Variants in KAZN observed in about 807,000 individuals in gnomAD.
The protein encoded by KAZN is kazrin, periplakin interacting protein.
Under a neutral mutation model 87.4 loss-of-function variants are expected in KAZN, and 40 were observed. That is an observed-to-expected ratio of 0.46 (90% CI 0.36 to 0.60). The LOEUF is 0.60. KAZN is among the 20% of genes least tolerant of loss of function. The pLI is 0.00. For missense variants in KAZN, 898 were observed against 1,073.9 expected (o/e 0.84, Z 2.29); for synonymous variants, 466 against 458.3 (o/e 1.02, Z -0.22).
chr1:14,498,721 G>GA (rs925765199), intron 2 of KAZN, among the ~76,000 whole-genome samples: 1 of 151,594 alleles, frequency 6.6e-6, no homozygotes, highest in Non-Finnish European at 1.5e-5. Flanking sequence ...AAAGGAAAAA[G>GA]AAAAAAAATG....
At chr1:14,799,828 A>C (rs947864296) in intron 1 of KAZN, among the ~76,000 whole-genome samples, 50 of 152,198 alleles carry the variant, frequency 3.3e-4, no homozygotes, top group African/African-American at 1.0e-3. Flanking sequence ...GAAATCTTAC[A>C]CGATATTTTA....
At chr1:13,956,015 G>A (rs369155246) in intron 1 of KAZN, among the ~76,000 whole-genome samples, 6 of 152,190 alleles carry the variant, frequency 3.9e-5, no homozygotes, top group East Asian at 3.9e-4. Flanking sequence ...CCAGCACCTC[G>A]TAGGACCTGT....
At chr1:14,749,373 C>A (rs1190956557) in intron 1 of KAZN, among the ~76,000 whole-genome samples, 1 of 152,204 alleles carries the variant, frequency 6.6e-6, no homozygotes, top group Non-Finnish European at 1.5e-5. Flanking sequence ...TAAAATTCTG[C>A]ATCAGTTATA....
chr1:13,952,002 C>T (rs1641365700), intron 1 of KAZN, among the ~76,000 whole-genome samples: 1 of 152,130 alleles, frequency 6.6e-6, no homozygotes, highest in Non-Finnish European at 1.5e-5. Flanking sequence ...GGCCTGTTTG[C>T]AGTAAAGAAA....
intron 1 of KAZN, among the ~76,000 whole-genome samples, chr1:14,634,183 T>A (rs1679790925): frequency 6.6e-6 from 1 of 152,162 alleles, no homozygotes. Context: ...TTTATCGTAA[T>A]TCAGCTAGTG....
intron 1 of KAZN, among the ~76,000 whole-genome samples, chr1:14,004,965 G>T (rs1228820143): frequency 6.6e-6 from 1 of 151,392 alleles, no homozygotes. Flanking sequence ...GTGCCACCAT[G>T]GGATGCCACA....
chr1:14,488,348 G>A (rs1204858300), intron 2 of KAZN, among the ~76,000 whole-genome samples: 8 of 152,144 alleles, frequency 5.3e-5, no homozygotes, highest in South Asian at 2.1e-4. Flanking sequence ...ACCTCTCATC[G>A]TCGCTAAGGT....
intron 1 of KAZN, among the ~76,000 whole-genome samples, chr1:14,637,972 C>T (rs1027892163): frequency 3.9e-5 from 6 of 152,038 alleles, no homozygotes; most frequent in Non-Finnish European, 7.4e-5. Context: ...CCTCTCTCCC[C>T]GTCTCTGGCA....
chr1:14,537,700 T>C (rs1672582836), intron 2 of KAZN, among the ~76,000 whole-genome samples: 1 of 152,180 alleles, frequency 6.6e-6, no homozygotes, highest in African/African-American at 2.4e-5. Context: ...GAAAATGCTT[T>C]GGAAAGTTGG....
chr1:14,659,364 C>T (rs1246949933), intron 1 of KAZN, among the ~76,000 whole-genome samples: 1 of 151,880 alleles, frequency 6.6e-6, no homozygotes, highest in African/African-American at 2.4e-5. Flanking sequence ...GAGGAGATGG[C>T]CTTTTAACCT....
intron 2 of KAZN, among the ~76,000 whole-genome samples, chr1:14,327,366 C>A (rs1202392724): frequency 6.6e-6 from 1 of 152,110 alleles, no homozygotes; most frequent in African/African-American, 2.4e-5. Context: ...TATTAGTCCC[C>A]CCACACGCTG....
intron 2 of KAZN, among the ~76,000 whole-genome samples, chr1:14,240,686 C>T (rs1648856385): frequency 6.6e-6 from 1 of 152,262 alleles, no homozygotes; most frequent in Non-Finnish European, 1.5e-5. Context: ...TGGAAAACCA[C>T]ATCTCTTGGG....
intron 1 of KAZN, among the ~76,000 whole-genome samples, chr1:14,744,415 T>G (rs1051274831): frequency 6.6e-6 from 1 of 152,122 alleles, no homozygotes; most frequent in Non-Finnish European, 1.5e-5. Flanking sequence ...TTTGTTTTTG[T>G]TTTTTTGTTT....
rs552524325 is a variant in KAZN, at chr1:14,893,817, A to C, written c.227-66867A>C. Among the ~76,000 whole-genome samples, 7 of 152,296 alleles carry C rather than the reference A, an allele frequency of 4.6e-5. No individual in the cohort carries two copies. The South Asian group carries it at 1.5e-3, about 32-fold the overall frequency. On this transcript the variant is annotated intron_variant, in intron 1 of 14. Transcript: ENST00000376030. ...TTCACAAGGGAGGCACCCTCTGAAC[A>C]TAAAAGTCTTGCCCCAGCTCAGGAG...
chr1:14,553,804 C>T (rs949771235), intron 2 of KAZN, among the ~76,000 whole-genome samples: 19 of 152,306 alleles, frequency 1.2e-4, no homozygotes, highest in African/African-American at 4.1e-4. Flanking sequence ...ACACACTTGG[C>T]CAAACATCAG....
At chr1:14,664,153 C>T (rs1210320976) in intron 1 of KAZN, among the ~76,000 whole-genome samples, 4 of 152,218 alleles carry the variant, frequency 2.6e-5, no homozygotes, top group Admixed American at 2.6e-4. Context: ...AGCTGACTGG[C>T]CGGGCGTAGT....
At chr1:14,112,493 G>A (rs1644521331) in intron 1 of KAZN, among the ~76,000 whole-genome samples, 1 of 152,152 alleles carries the variant, frequency 6.6e-6, no homozygotes, top group Admixed American at 6.6e-5. Flanking sequence ...AAAGAACTTT[G>A]TTGGGAGCAT....
chr1:14,209,468 G>C (rs1028897909), intron 2 of KAZN, among the ~76,000 whole-genome samples: 1 of 152,112 alleles, frequency 6.6e-6, no homozygotes, highest in Non-Finnish European at 1.5e-5. Context: ...ATAACCTTTG[G>C]AAAAATCTGC....
chr1:14,059,207 A>T (rs894253149), intron 1 of KAZN, among the ~76,000 whole-genome samples: 1 of 152,216 alleles, frequency 6.6e-6, no homozygotes, highest in African/African-American at 2.4e-5. Flanking sequence ...ATTACAAGGC[A>T]AAGTCCCCAC....
Sources: gnomAD v4.1 joint callset for allele counts (sites outside exome capture counted in the v4.1 genomes callset) on GRCh38, gnomAD v4.1.1 for gene constraint, MANE v1.5 for transcripts, NCBI Gene and HGNC (gene_info 2026-07-23, HGNC 2026-07-21) for gene names.